KLHL1: variants seen among roughly 807,000 people sequenced by gnomAD.
The protein encoded by KLHL1 is kelch like family member 1.
A neutral mutation model predicts 77.7 loss-of-function variants in KLHL1; 47 were observed. The observed-to-expected ratio is 0.60, with a 90% CI of 0.48 to 0.77. KLHL1 has a LOEUF of 0.77. Ranked by LOEUF, KLHL1 falls within the 30% of genes least tolerant of loss-of-function variation. The pLI is 0.00. For missense variants in KLHL1, 925 were observed against 910.8 expected (o/e 1.02, Z -0.20); for synonymous variants, 360 against 325.2 (o/e 1.11, Z -1.15).
intron 1 of KLHL1, among the ~76,000 whole-genome samples, chr13:69,988,173 G>C (rs370258431): frequency 1.3e-5 from 2 of 151,794 alleles, no homozygotes; most frequent in Non-Finnish European, 2.9e-5. Flanking sequence ...CCATGTTCTC[G>C]CATTACTTAG....
chr13:70,010,863 G>T (rs1885517112), intron 1 of KLHL1, among the ~76,000 whole-genome samples: 1 of 151,446 alleles, frequency 6.6e-6, no homozygotes, highest in African/African-American at 2.4e-5. Context: ...TTGCACTCCA[G>T]CCTGGGCAAC....
chr13:69,956,539 A>G (rs766562931), intron 3 of KLHL1, among the ~76,000 whole-genome samples: 1 of 151,488 alleles, frequency 6.6e-6, no homozygotes, highest in African/African-American at 2.4e-5. Context: ...TTTGAGAGCA[A>G]GACAGCGATG....
At chr13:69,964,891 A>T (rs1884168644) in intron 2 of KLHL1, among the ~76,000 whole-genome samples, 1 of 152,106 alleles carries the variant, frequency 6.6e-6, no homozygotes, top group Non-Finnish European at 1.5e-5. Context: ...TGTTTGAACC[A>T]TCAATAACAT....
At chr13:69,993,692 A>C (rs1885081562) in intron 1 of KLHL1, among the ~76,000 whole-genome samples, 1 of 151,936 alleles carries the variant, frequency 6.6e-6, no homozygotes, top group South Asian at 2.1e-4. Flanking sequence ...CATTTTTCTC[A>C]TCTGGATGCC....
intron 1 of KLHL1, among the ~76,000 whole-genome samples, chr13:70,025,193 T>C (rs1593683643): frequency 1.3e-5 from 2 of 152,160 alleles, no homozygotes; most frequent in East Asian, 3.9e-4. Context: ...CTAAATTTGG[T>C]CCAGAATTGT....
At chr13:69,812,574 T>C (rs1209845324) in intron 6 of KLHL1, among the ~76,000 whole-genome samples, 2 of 152,160 alleles carry the variant, frequency 1.3e-5, no homozygotes, top group South Asian at 2.1e-4. Flanking sequence ...AATCTACTCA[T>C]CTGACAAAGG....
intron 4 of KLHL1, among the ~76,000 whole-genome samples, chr13:69,933,553 G>A (rs1883074567): frequency 6.6e-6 from 1 of 152,002 alleles, no homozygotes; most frequent in Non-Finnish European, 1.5e-5. Context: ...TTTTCCAGTG[G>A]CTCTAAAGGA....
chr13:70,098,041 T>C (rs1428858280), intron 1 of KLHL1, among the ~76,000 whole-genome samples: 1 of 151,916 alleles, frequency 6.6e-6, no homozygotes, highest in Non-Finnish European at 1.5e-5. Flanking sequence ...AAAGCCTAGA[T>C]AAAGCTCTGT....
chr13:69,787,873 A>C (rs1395173491), intron 7 of KLHL1, among the ~76,000 whole-genome samples: 2 of 152,258 alleles, frequency 1.3e-5, no homozygotes, highest in African/African-American at 4.8e-5. Flanking sequence ...TCTGAAAAGA[A>C]GACATTTATG....
chr13:69,976,287 T>C (rs1884543060), intron 1 of KLHL1, among the ~76,000 whole-genome samples: 1 of 152,034 alleles, frequency 6.6e-6, no homozygotes, highest in African/African-American at 2.4e-5. Flanking sequence ...GGTTTTCAAG[T>C]AATACTGACA....
chr13:69,739,486 G>A (rs1321284143), intron 8 of KLHL1, among the ~76,000 whole-genome samples: 1 of 152,186 alleles, frequency 6.6e-6, no homozygotes, highest in Non-Finnish European at 1.5e-5. Flanking sequence ...ATTCATTGGT[G>A]TGCTGTATTC....
chr13:70,024,838 TACA>T (rs1306602510), intron 1 of KLHL1, among the ~76,000 whole-genome samples: 1 of 151,824 alleles, frequency 6.6e-6, no homozygotes, highest in Non-Finnish European at 1.5e-5. Flanking sequence ...TTAAAGATAG[TACA>T]ACATTTTTAG....
chr13:70,016,747 C>T (rs1471740833), intron 1 of KLHL1, among the ~76,000 whole-genome samples: 6 of 152,194 alleles, frequency 3.9e-5, no homozygotes, highest in African/African-American at 4.8e-5. Context: ...CAAAAAGGGG[C>T]GGGTCCCAGG....
chr13:69,992,749 C>G (rs946879781), intron 1 of KLHL1, among the ~76,000 whole-genome samples: 3 of 151,834 alleles, frequency 2.0e-5, no homozygotes, highest in African/African-American at 4.8e-5. Flanking sequence ...TACATTCAGA[C>G]TCCCTCATTC....
intron 4 of KLHL1, among the ~76,000 whole-genome samples, chr13:69,920,891 G>A (rs1024689368): frequency 1.3e-5 from 2 of 152,036 alleles, no homozygotes; most frequent in African/African-American, 4.8e-5. Flanking sequence ...AATAAACAGG[G>A]ATATTAAATA....
intron 9 of KLHL1, among the ~76,000 whole-genome samples, chr13:69,710,945 C>G (rs1297586219): frequency 6.6e-6 from 1 of 151,924 alleles, no homozygotes; most frequent in Non-Finnish European, 1.5e-5. Flanking sequence ...AGGTTTATAG[C>G]CCTCAGGCAA....
intron 8 of KLHL1, among the ~76,000 whole-genome samples, chr13:69,739,419 A>C (rs1392072867): frequency 6.6e-6 from 1 of 152,210 alleles, no homozygotes; most frequent in African/African-American, 2.4e-5. Context: ...CCTTGAATGT[A>C]AATGGGCTAA....
chr13:69,834,563 A>T (rs772840190), intron 6 of KLHL1, among the ~76,000 whole-genome samples: 8 of 152,112 alleles, frequency 5.3e-5, no homozygotes, highest in Non-Finnish European at 1.0e-4. Context: ...TAATTCATAA[A>T]TATATGTGAG....
intron 2 of KLHL1, among the ~76,000 whole-genome samples, chr13:69,966,472 A>G (rs1428248874): frequency 1.3e-5 from 2 of 152,216 alleles, no homozygotes; most frequent in Non-Finnish European, 2.9e-5. Context: ...TGGTTGCTCA[A>G]GAGCTCTGAC....
Sources: allele counts gnomAD v4.1 joint callset (sites outside exome capture counted in the v4.1 genomes callset), GRCh38; gene constraint gnomAD v4.1.1; transcripts MANE v1.5; gene names NCBI Gene and HGNC (gene_info 2026-07-23, HGNC 2026-07-21).